Variants in EFCAB13 observed in about 807,000 individuals in gnomAD.
EFCAB13 encodes EF-hand calcium binding domain 13, also known as EF-hand calcium-binding domain-containing protein 13.
In EFCAB13, 91 loss-of-function variants were observed where a neutral mutation model predicts 110.2. The ratio of observed to expected loss-of-function variants is 0.83; its 90% CI spans 0.70 to 0.98. The LOEUF (loss-of-function observed/expected upper bound fraction) is 0.98, where lower values mean the gene tolerates loss of function less well. Among genes scored for constraint, EFCAB13 ranks in the 50% least tolerant of loss-of-function variants. EFCAB13 has a pLI of 0.00. For missense variants in EFCAB13, 968 were observed against 1,119.4 expected (o/e 0.86, Z 1.93); for synonymous variants, 323 against 369.9 (o/e 0.87, Z 1.45).
chr17:47,377,681 C>T, intron 12 of EFCAB13, 85 bp from the exon 13 acceptor site: 1 of 1,206,874 alleles, frequency 8.3e-7, no homozygotes, highest in Non-Finnish European at 1.1e-6. Context: ...AAAACTTGTT[C>T]TCTAATTTCT....
chr17:47,421,794 T>G (rs937231057), intron 23 of EFCAB13, among the ~76,000 whole-genome samples: 1 of 152,178 alleles, frequency 6.6e-6, no homozygotes, highest in African/African-American at 2.4e-5. Context: ...CTTGAAAAAC[T>G]CAACTTACCA....
intron 4 of EFCAB13, among the ~76,000 whole-genome samples, chr17:47,330,075 T>C (rs2065310982): frequency 6.6e-6 from 1 of 152,138 alleles, no homozygotes; most frequent in East Asian, 1.9e-4. Flanking sequence ...TCAGGACTAA[T>C]GCACCTTTGA....
chr17:47,391,177 G>T (rs942704256), intron 14 of EFCAB13, among the ~76,000 whole-genome samples: 1 of 152,122 alleles, frequency 6.6e-6, no homozygotes, highest in Non-Finnish European at 1.5e-5. Context: ...CTGGCCTCAA[G>T]TGATTCTTCC....
rs1026338654 is a variant in EFCAB13, at chr17:47,350,066, G to C, written c.661+2115G>C. Among the ~76,000 whole-genome samples the C allele has an allele frequency of 4.4e-4, 67 of 152,076 alleles. 1 individual carries two copies. Among genetic ancestry groups the C allele is most frequent in the African/African-American group, 1.5e-3 (62 of 41,418 alleles). The stretch of plus-strand genomic sequence containing the variant: ...TGGGATTACAGGTGTGAGCCACCGT[G>C]CCCGGCCTGATGTTTCTTATTTGGT... On this transcript the variant is annotated intron_variant, in intron 9 of 24. Coordinates refer to ENST00000331493, the MANE Select transcript of EFCAB13 (RefSeq NM_152347.5).
At chr17:47,387,161 G>A (rs545995926) in intron 14 of EFCAB13, among the ~76,000 whole-genome samples, 104 of 152,196 alleles carry the variant, frequency 6.8e-4, no homozygotes, top group African/African-American at 2.4e-3. Context: ...TTATTATATC[G>A]GGATCAGAAA....
At chr17:47,402,068 T>A in intron 17 of EFCAB13, 64 bp from the exon 18 acceptor site, 1 of 1,270,694 alleles carries the variant, frequency 7.9e-7, no homozygotes, top group Non-Finnish European at 1.2e-6. Flanking sequence ...TTTTTATAGG[T>A]TGCTTTATTG....
At chr17:47,359,519 T>TG (rs1282396294) in intron 9 of EFCAB13, among the ~76,000 whole-genome samples, 5 of 124,048 alleles carry the variant, frequency 4.0e-5, no homozygotes, top group East Asian at 4.6e-4. Flanking sequence ...GGAATTGTGT[T>TG]TTTTTTTTTT....
chr17:47,330,649 G>T (rs74535509), intron 4 of EFCAB13, among the ~76,000 whole-genome samples: 2,239 of 152,170 alleles, frequency 0.015, 27 homozygotes, highest in Middle Eastern at 0.031. Context: ...TTTTATGGGT[G>T]AGTAGTATTC....
intron 4 of EFCAB13, among the ~76,000 whole-genome samples, chr17:47,334,713 C>T (rs556576163): frequency 1.3e-5 from 2 of 152,130 alleles, no homozygotes; most frequent in South Asian, 4.2e-4. Flanking sequence ...CTCAGAAGTT[C>T]GAGACCAGCC....
intron 6 of EFCAB13, 117 bp downstream of exon 6, chr17:47,342,149 C>A: frequency 1.7e-6 from 1 of 587,246 alleles, no homozygotes; most frequent in Non-Finnish European, 3.0e-6. Context: ...ATATCACTAC[C>A]TGGTCTTGCT....
chr17:47,394,215 G>A (rs559404589), intron 16 of EFCAB13, 116 bp downstream of exon 16: 16 of 581,042 alleles, frequency 2.8e-5, no homozygotes, highest in African/African-American at 1.7e-4. Flanking sequence ...CAGGTCATCC[G>A]ACAAATAAAT....
chr17:47,438,616 A>G (rs1905255593), intron 24 of EFCAB13, among the ~76,000 whole-genome samples: 1 of 150,686 alleles, frequency 6.6e-6, no homozygotes, highest in African/African-American at 2.4e-5. Flanking sequence ...AGCATTTTGC[A>G]TTTCTAAAAG....
intron 14 of EFCAB13, among the ~76,000 whole-genome samples, chr17:47,382,414 A>G (rs532017564): frequency 2.0e-5 from 3 of 152,272 alleles, no homozygotes; most frequent in Admixed American, 1.3e-4. Flanking sequence ...GTGGTGAGAG[A>G]GGGCATCCTT....
chr17:47,352,696 T>C (rs762493248), intron 9 of EFCAB13, among the ~76,000 whole-genome samples: 2 of 152,216 alleles, frequency 1.3e-5, no homozygotes, highest in Non-Finnish European at 2.9e-5. Flanking sequence ...TTTAATGATA[T>C]TAAGTTTTTG....
At chr17:47,329,316 A>T (rs537742064) in intron 4 of EFCAB13, among the ~76,000 whole-genome samples, 7 of 152,074 alleles carry the variant, frequency 4.6e-5, no homozygotes, top group Non-Finnish European at 8.8e-5. Flanking sequence ...TTTAACCCTC[A>T]CTGTTTTCTG....
At chr17:47,339,225 T>C (rs1336440106) in intron 5 of EFCAB13, among the ~76,000 whole-genome samples, 1 of 152,160 alleles carries the variant, frequency 6.6e-6, no homozygotes, top group Non-Finnish European at 1.5e-5. Context: ...TGTCTTCTCT[T>C]CTAAAATTTA....
At chr17:47,336,443 CA>C (rs890041804) in intron 5 of EFCAB13, among the ~76,000 whole-genome samples, 2 of 152,122 alleles carry the variant, frequency 1.3e-5, no homozygotes, top group African/African-American at 4.8e-5. Flanking sequence ...AGGCGACCAC[CA>C]CCATGCATGG....
intron 5 of EFCAB13, among the ~76,000 whole-genome samples, chr17:47,340,417 G>A (rs1328268707): frequency 1.3e-5 from 2 of 151,930 alleles, no homozygotes; most frequent in African/African-American, 4.8e-5. Context: ...ACTTGAGCCT[G>A]GGAGTTTGAA....
At chr17:47,399,038 T>C (rs960457085) in intron 17 of EFCAB13, among the ~76,000 whole-genome samples, 9 of 152,152 alleles carry the variant, frequency 5.9e-5, no homozygotes, top group African/African-American at 2.2e-4. Context: ...TTCTGCTGCC[T>C]CAGCCTCCCA....
Sources: gnomAD v4.1 joint callset for allele counts (sites outside exome capture counted in the v4.1 genomes callset) on GRCh38, gnomAD v4.1.1 for gene constraint, MANE v1.5 for transcripts, NCBI Gene and HGNC (gene_info 2026-07-23, HGNC 2026-07-21) for gene names.